The following DMD variants were observed in gnomAD, a reference collection of about 807,000 sequenced individuals.
DMD encodes the protein dystrophin, also known as mutant dystrophin.
DMD carries 63 observed loss-of-function variants against 330.1 expected under a neutral mutation model. The ratio of observed to expected loss-of-function variants is 0.19; its 90% CI spans 0.16 to 0.24. The LOEUF is 0.24. Ranked by LOEUF, DMD falls within the 10% of genes least tolerant of loss-of-function variation. The pLI is 1.00. For missense variants in DMD, 3,344 were observed against 2,684.1 expected (o/e 1.25, Z -5.43); for synonymous variants, 1,223 against 959.8 (o/e 1.27, Z -5.07).
chrX:32,805,752 T>C (rs2076902973), intron 7 of DMD, among the ~76,000 whole-genome samples: 1 of 112,147 alleles, frequency 8.9e-6, no homozygotes, highest in South Asian at 3.7e-4. Context: ...GCAGAAACCC[T>C]ACAAGCCAGA....
intron 1 of DMD, among the ~76,000 whole-genome samples, chrX:33,268,223 C>T (rs1197619241): frequency 3.6e-5 from 4 of 110,734 alleles, no homozygotes; most frequent in Admixed American, 1.9e-4. Flanking sequence ...CTCCTGGCTT[C>T]GGGTAATCCA....
chrX:33,047,033 C>T (rs138578400), intron 1 of DMD, among the ~76,000 whole-genome samples: 4,895 of 112,018 alleles, frequency 0.044, 267 homozygotes, highest in African/African-American at 0.15. Context: ...GAACATACTT[C>T]ATTTTCACAG....
At chrX:32,608,569 G>C in intron 12 of DMD, among the ~76,000 whole-genome samples, 1 of 110,525 alleles carries the variant, frequency 9.0e-6, no homozygotes, top group Non-Finnish European at 1.9e-5. Context: ...TTTTTCTACA[G>C]CTTTATGAAT....
At chrX:33,063,775 A>G (rs2094609424) in intron 1 of DMD, among the ~76,000 whole-genome samples, 1 of 110,145 alleles carries the variant, frequency 9.1e-6, no homozygotes, top group Non-Finnish European at 1.9e-5. Flanking sequence ...CTGAATCACT[A>G]TCTCTATGCC....
At chrX:32,712,351 G>T (rs1015420423) in intron 7 of DMD, among the ~76,000 whole-genome samples, 12 of 111,399 alleles carry the variant, frequency 1.1e-4, no homozygotes, top group Admixed American at 6.8e-4. Flanking sequence ...ACGCTGCAAT[G>T]AACATCCTTA....
chrX:32,095,152 G>A (rs916275545), intron 44 of DMD, among the ~76,000 whole-genome samples: 4 of 111,551 alleles, frequency 3.6e-5, no homozygotes, highest in East Asian at 5.7e-4. Context: ...GCCCAGAGTC[G>A]TTGCATAACT....
chrX:32,862,574 T>C (rs1300496846), intron 2 of DMD, among the ~76,000 whole-genome samples: 1 of 104,030 alleles, frequency 9.6e-6, no homozygotes, highest in Admixed American at 1.1e-4. Flanking sequence ...TTACCAGGTA[T>C]TCTAAAGGAA....
intron 1 of DMD, among the ~76,000 whole-genome samples, chrX:33,053,632 A>G (rs1013031783): frequency 9.0e-6 from 1 of 110,976 alleles, no homozygotes; most frequent in African/African-American, 3.3e-5. Context: ...AAAAAGAAAA[A>G]AAAATAGTTA....
At chrX:32,072,078 G>C (rs997779782) in intron 44 of DMD, among the ~76,000 whole-genome samples, 3 of 111,761 alleles carry the variant, frequency 2.7e-5, no homozygotes, top group Admixed American at 1.9e-4. Flanking sequence ...CATTATTTGT[G>C]AAAGTGACTT....
intron 62 of DMD, among the ~76,000 whole-genome samples, chrX:31,289,819 A>C (rs1266425100): frequency 9.0e-6 from 1 of 110,740 alleles, no homozygotes; most frequent in South Asian, 3.8e-4. Flanking sequence ...ATAACTGCTA[A>C]TTTATTTTTT....
At chrX:31,355,683 C>T (rs910982210) in intron 60 of DMD, among the ~76,000 whole-genome samples, 8 of 110,984 alleles carry the variant, frequency 7.2e-5, no homozygotes, top group South Asian at 3.8e-4. Flanking sequence ...GGAACTTCCT[C>T]GTTCATTCTT....
chrX:32,336,867 T>C (rs1473582032), intron 41 of DMD, among the ~76,000 whole-genome samples: 1 of 111,810 alleles, frequency 8.9e-6, no homozygotes, highest in Non-Finnish European at 1.9e-5. Context: ...CCTTTAGGCC[T>C]CTATGTTAGC....
intron 52 of DMD, among the ~76,000 whole-genome samples, chrX:31,696,282 T>C (rs961338286): frequency 9.0e-6 from 1 of 111,654 alleles, no homozygotes; most frequent in African/African-American, 3.2e-5. Flanking sequence ...GTGGTATCAA[T>C]AGAATATTAT....
intron 2 of DMD, among the ~76,000 whole-genome samples, chrX:32,885,836 A>AAAC (rs1164208808): frequency 1.3e-3 from 137 of 108,122 alleles, no homozygotes; most frequent in Middle Eastern, 4.8e-3. Flanking sequence ...GGAAAAAAAA[A>AAAC]AAAAAAAAAA....
intron 44 of DMD, among the ~76,000 whole-genome samples, chrX:32,130,315 T>C (rs1014181768): frequency 5.4e-5 from 6 of 111,595 alleles, no homozygotes; most frequent in Non-Finnish European, 1.1e-4. Flanking sequence ...ATTACCACCA[T>C]ACCCACTACT....
At chrX:31,368,986 T>C (rs1327705285) in intron 60 of DMD, among the ~76,000 whole-genome samples, 1 of 111,606 alleles carries the variant, frequency 9.0e-6, no homozygotes, top group South Asian at 3.8e-4. Flanking sequence ...AACCCCTCAC[T>C]ACAAAGCCAG....
At chrX:32,441,461 G>C in intron 27 of DMD, 147 bp from the exon 28 acceptor site, 1 of 518,001 alleles carries the variant, frequency 1.9e-6, no homozygotes, top group East Asian at 3.7e-5. Context: ...AATGCAGCTA[G>C]ACAGTTTCAT....
chrX:32,873,644 G>C (rs907439141), intron 2 of DMD, among the ~76,000 whole-genome samples: 1 of 111,811 alleles, frequency 8.9e-6, no homozygotes, highest in African/African-American at 3.2e-5. Context: ...CCTATTCTGT[G>C]TCTAGAATCT....
chrX:31,234,404 A>C (rs1373141600), intron 63 of DMD, among the ~76,000 whole-genome samples: 1 of 112,435 alleles, frequency 8.9e-6, no homozygotes, highest in Non-Finnish European at 1.9e-5. Flanking sequence ...AATGCATTCA[A>C]ACTAAATGAT....
Sources: gnomAD v4.1 joint callset for allele counts (sites outside exome capture counted in the v4.1 genomes callset) on GRCh38, gnomAD v4.1.1 for gene constraint, MANE v1.5 for transcripts, NCBI Gene and HGNC (gene_info 2026-07-23, HGNC 2026-07-21) for gene names.